NOX4: variants seen among roughly 807,000 people sequenced by gnomAD.
NOX4 encodes the protein NADPH oxidase 4.
NOX4 carries 69 observed loss-of-function variants against 87.6 expected under a neutral mutation model. The observed-to-expected ratio is 0.79, with a 90% CI of 0.65 to 0.96. The LOEUF (loss-of-function observed/expected upper bound fraction) is 0.96, where lower values mean the gene tolerates loss of function less well. Among genes scored for constraint, NOX4 ranks in the 40% least tolerant of loss-of-function variants. The pLI is 0.00. For synonymous variants in NOX4, 275 were observed against 238.2 expected (o/e 1.15, Z -1.42); for missense variants, 680 against 681.5 (o/e 1.00, Z 0.02).
intron 12 of NOX4, among the ~76,000 whole-genome samples, chr11:89,362,092 C>T (rs1938567862): frequency 2.0e-5 from 3 of 152,000 alleles, no homozygotes; most frequent in Admixed American, 6.6e-5. Context: ...TCAAATTCTT[C>T]CTTCCCCCAA....
chr11:89,531,639 T>A, the NOX4 span, among the ~76,000 whole-genome samples: 1 of 152,090 alleles, frequency 6.6e-6, no homozygotes, highest in Admixed American at 6.5e-5. Context: ...TCTCAAGAGA[T>A]CTGATGGTTT....
At chr11:89,475,159 A>C (rs535400651) in intron 2 of NOX4, among the ~76,000 whole-genome samples, 1 of 152,142 alleles carries the variant, frequency 6.6e-6, no homozygotes, top group African/African-American at 2.4e-5. Flanking sequence ...GTTGATTCTG[A>C]ATGATCACAC....
chr11:89,501,888 C>T (rs1372120841), upstream of NOX4, among the ~76,000 whole-genome samples: 2 of 152,068 alleles, frequency 1.3e-5, no homozygotes, highest in African/African-American at 4.8e-5. Context: ...CCAGAAACAG[C>T]TGGGTGCTTT....
At chr11:89,483,523 T>C (rs1946474705) in intron 2 of NOX4, among the ~76,000 whole-genome samples, 1 of 150,388 alleles carries the variant, frequency 6.6e-6, no homozygotes, top group Non-Finnish European at 1.5e-5. Flanking sequence ...CACATAATGT[T>C]ACTTATATGT....
At chr11:89,445,316 G>A (rs1241830885) in intron 4 of NOX4, among the ~76,000 whole-genome samples, 3 of 151,950 alleles carry the variant, frequency 2.0e-5, no homozygotes, top group East Asian at 3.9e-4. Context: ...GTAAAATGTA[G>A]AGGGCTTAGA....
the NOX4 span, among the ~76,000 whole-genome samples, chr11:89,526,121 G>A: frequency 2.6e-5 from 4 of 152,186 alleles, no homozygotes; most frequent in East Asian, 3.9e-4. Flanking sequence ...CTTGAAAGCA[G>A]CTTGTATAAG....
chr11:89,382,666 G>C (rs776295595), intron 11 of NOX4, among the ~76,000 whole-genome samples: 1 of 151,858 alleles, frequency 6.6e-6, no homozygotes, highest in Non-Finnish European at 1.5e-5. Context: ...TCCCTGCCAG[G>C]CTGAATCAGG....
the NOX4 span, among the ~76,000 whole-genome samples, chr11:89,550,810 G>C: frequency 6.6e-6 from 1 of 152,184 alleles, no homozygotes; most frequent in East Asian, 1.9e-4. Flanking sequence ...GATCCCATTT[G>C]TCAGTTTTGG....
the NOX4 span, among the ~76,000 whole-genome samples, chr11:89,525,201 C>A: frequency 5.3e-5 from 8 of 151,818 alleles, no homozygotes; most frequent in East Asian, 1.9e-4. Flanking sequence ...TCTTTTTATT[C>A]TTTTCTTTAA....
At position 89,444,136 on chromosome 11, in the gene NOX4, T is replaced by A. The variant is rs775523477; in HGVS notation, c.446A>T (p.Glu149Val). 6.2e-7 allele frequency: 1 copy of A among 1,612,852 alleles called. No individual in the cohort carries two copies. Among genetic ancestry groups the A allele is most frequent in the Admixed American group, 1.7e-5 (1 of 59,946 alleles). ...AATGGGAAGACAGAGACCACCCACC[T>A]CATCTCGGTATCTTGCTGCATTCAG... ...VELNAARYRD[E>V]DPRKLLFTTV... Residue 149 changes from glutamate to valine, a missense_variant and splice_region_variant, in exon 5 of 18, where the codon GAG becomes GTG. Coordinates refer to ENST00000263317, the MANE Select transcript of NOX4 (RefSeq NM_016931.5).
upstream of NOX4, among the ~76,000 whole-genome samples, chr11:89,499,646 A>G (rs1439519514): frequency 6.6e-6 from 1 of 152,130 alleles, no homozygotes; most frequent in South Asian, 2.1e-4. Context: ...CATTCTCACA[A>G]TTGGATCACT....
At chr11:89,506,485 GAAAT>G in the NOX4 span, among the ~76,000 whole-genome samples, 1 of 151,546 alleles carries the variant, frequency 6.6e-6, no homozygotes, top group Non-Finnish European at 1.5e-5. Flanking sequence ...AAAATACCTA[GAAAT>G]AAATATAGGA....
At chr11:89,511,351 CTAAT>C in the NOX4 span, among the ~76,000 whole-genome samples, 14 of 151,834 alleles carry the variant, frequency 9.2e-5, no homozygotes, top group Non-Finnish European at 4.4e-5. Context: ...TTATTCCAGT[CTAAT>C]TAAAATTTTA....
chr11:89,332,048 G>C (rs559187367), intron 17 of NOX4, among the ~76,000 whole-genome samples: 1 of 151,660 alleles, frequency 6.6e-6, no homozygotes, highest in Non-Finnish European at 1.5e-5. Context: ...AGGTAGATTC[G>C]GGTACTAAGA....
At chr11:89,439,239 C>A (rs1186128748) in intron 6 of NOX4, among the ~76,000 whole-genome samples, 1 of 150,926 alleles carries the variant, frequency 6.6e-6, no homozygotes, top group African/African-American at 2.4e-5. Context: ...TAAATGAATT[C>A]ACTGTAAACC....
chr11:89,391,068 T>C (rs535705539), intron 11 of NOX4, among the ~76,000 whole-genome samples: 1 of 152,156 alleles, frequency 6.6e-6, no homozygotes, highest in Non-Finnish European at 1.5e-5. Context: ...GAACTCTATA[T>C]ATTAGGTGGT....
chr11:89,349,786 C>T (rs2134953344), intron 13 of NOX4, among the ~76,000 whole-genome samples: 1 of 152,218 alleles, frequency 6.6e-6, no homozygotes. Flanking sequence ...ACTTCCAGAG[C>T]CAATGGGTCA....
intron 8 of NOX4, among the ~76,000 whole-genome samples, chr11:89,412,455 T>C (rs1200958826): frequency 6.6e-6 from 1 of 152,060 alleles, no homozygotes; most frequent in Non-Finnish European, 1.5e-5. Flanking sequence ...TGAAATAATA[T>C]CAAGCACCTT....
At chr11:89,480,564 G>T (rs997659750) in intron 2 of NOX4, among the ~76,000 whole-genome samples, 2 of 152,138 alleles carry the variant, frequency 1.3e-5, no homozygotes, top group African/African-American at 4.8e-5. Context: ...GAGGAAAGAA[G>T]ACGACTGACA....
Sources: gnomAD v4.1 joint callset for allele counts (sites outside exome capture counted in the v4.1 genomes callset) on GRCh38, gnomAD v4.1.1 for gene constraint, MANE v1.5 for transcripts, NCBI Gene and HGNC (gene_info 2026-07-23, HGNC 2026-07-21) for gene names.